Variants in DLG2 observed in about 807,000 individuals in gnomAD.
The protein encoded by DLG2 is disks large homolog 2.
In DLG2, 45 loss-of-function variants were observed where a neutral mutation model predicts 132.5. The ratio of observed to expected loss-of-function variants is 0.34; its 90% CI spans 0.27 to 0.44. DLG2 has a LOEUF of 0.44. Among genes scored for constraint, DLG2 ranks in the 20% least tolerant of loss-of-function variants. DLG2 has a pLI of 1.00. For missense variants in DLG2, 1,045 were observed against 1,196.9 expected (o/e 0.87, Z 1.87); for synonymous variants, 424 against 419.6 (o/e 1.01, Z -0.13).
intron 6 of DLG2, among the ~76,000 whole-genome samples, chr11:84,796,829 T>G (rs2074684198): frequency 6.6e-6 from 1 of 150,534 alleles, no homozygotes; most frequent in Admixed American, 6.6e-5. Flanking sequence ...ATTTTTTATT[T>G]TTTATTATAT....
intron 19 of DLG2, among the ~76,000 whole-genome samples, chr11:83,626,913 C>A (rs1458962531): frequency 6.6e-6 from 1 of 152,126 alleles, no homozygotes; most frequent in African/African-American, 2.4e-5. Flanking sequence ...CTTCAGGCTT[C>A]ATGGGGTCCA....
intron 6 of DLG2, among the ~76,000 whole-genome samples, chr11:84,925,000 G>T (rs1374398262): frequency 6.6e-6 from 1 of 152,044 alleles, no homozygotes. Context: ...CCTAATAAAT[G>T]AACCCAAATA....
chr11:83,713,714 T>A (rs2153667751), intron 18 of DLG2, among the ~76,000 whole-genome samples: 1 of 152,328 alleles, frequency 6.6e-6, no homozygotes, highest in South Asian at 2.1e-4. Context: ...GATGAATAAA[T>A]TCCAAAAAGT....
At chr11:85,052,130 A>T (rs548980108) in intron 6 of DLG2, among the ~76,000 whole-genome samples, 29 of 152,210 alleles carry the variant, frequency 1.9e-4, no homozygotes, top group Non-Finnish European at 2.2e-4. Flanking sequence ...AATATGCAAG[A>T]AAAGTGAAGA....
At position 84,554,673 on chromosome 11, in the gene DLG2, G is replaced by A. The variant is rs549984880; in HGVS notation, c.358-19942C>T. Among the ~76,000 whole-genome samples the A allele has an allele frequency of 3.3e-5, 5 of 152,204 alleles. No homozygotes were observed. The South Asian group carries it at 1.0e-3, about 32-fold the overall frequency. On this transcript the variant is annotated intron_variant, in intron 6 of 27. Coordinates refer to ENST00000376104, the MANE Select transcript of DLG2 (RefSeq NM_001142699.3). ...AGGCAGGAGAATCACTTGAACACAG[G>A]ATGGGGAGGTTGCGGTGAGCTGAGA...
chr11:84,024,030 A>G (rs1157366617), intron 11 of DLG2, among the ~76,000 whole-genome samples: 1 of 152,168 alleles, frequency 6.6e-6, no homozygotes, highest in East Asian at 1.9e-4. Flanking sequence ...CTTCCTGTCA[A>G]TGAATACTAG....
intron 11 of DLG2, among the ~76,000 whole-genome samples, chr11:83,984,873 C>G (rs2093128990): frequency 1.3e-5 from 2 of 152,038 alleles, no homozygotes. Context: ...TCGAAATACA[C>G]AATACATTAT....
chr11:83,514,975 G>A (rs2095235664), intron 21 of DLG2, among the ~76,000 whole-genome samples: 1 of 152,106 alleles, frequency 6.6e-6, no homozygotes, highest in Non-Finnish European at 1.5e-5. Context: ...CAGGGATATT[G>A]GTCTAAAATT....
intron 17 of DLG2, among the ~76,000 whole-genome samples, chr11:83,800,580 T>C (rs1295192436): frequency 6.6e-6 from 1 of 152,170 alleles, no homozygotes; most frequent in Non-Finnish European, 1.5e-5. Context: ...AAGTGAAAAA[T>C]TGATATTGAA....
At chr11:85,312,416 T>C (rs572420280) in intron 3 of DLG2, among the ~76,000 whole-genome samples, 103 of 150,916 alleles carry the variant, frequency 6.8e-4, no homozygotes, top group African/African-American at 2.4e-3. Flanking sequence ...TTTGTAATTA[T>C]GAGTTACATG....
intron 6 of DLG2, among the ~76,000 whole-genome samples, chr11:84,853,750 C>T (rs2082437933): frequency 6.6e-6 from 1 of 151,944 alleles, no homozygotes; most frequent in African/African-American, 2.4e-5. Context: ...AACCATTCCA[C>T]AATTAGCCCA....
intron 6 of DLG2, among the ~76,000 whole-genome samples, chr11:84,884,079 CATGACAT>C (rs2087816749): frequency 6.6e-6 from 1 of 152,088 alleles, no homozygotes; most frequent in Non-Finnish European, 1.5e-5. Flanking sequence ...GCTACTCACA[CATGACAT>C]ATAAATTAAA....
rs540379577 is a variant in DLG2 at position 85,528,271 on chromosome 11, C to T, written c.40+70386G>A. Reference sequence around the variant, plus strand: ...TGAAGTCTTTGCCCATGCCTATGTCCTGAATGGTATTGCCTAGGTTTTCTT... The same window carrying T: ...TGAAGTCTTTGCCCATGCCTATGTCTTGAATGGTATTGCCTAGGTTTTCTT... On this transcript the variant is annotated intron_variant, in intron 3 of 27. Transcript: ENST00000376104. 2.6e-5 allele frequency among the ~76,000 whole-genome samples: 4 copies of T among 152,210 alleles called. No individual in the cohort carries two copies. In the South Asian group the frequency reaches 8.3e-4, roughly 32 times the overall value.
intron 9 of DLG2, among the ~76,000 whole-genome samples, chr11:84,158,071 G>T (rs1287919094): frequency 4.8e-5 from 7 of 147,354 alleles, no homozygotes; most frequent in East Asian, 2.0e-4. Flanking sequence ...TGTTTTTTTG[G>T]TTTTTTTTTT....
chr11:83,522,214 G>C (rs1286118474), intron 21 of DLG2, among the ~76,000 whole-genome samples: 1 of 152,112 alleles, frequency 6.6e-6, no homozygotes, highest in African/African-American at 2.4e-5. Flanking sequence ...TTTCTTAATT[G>C]CTCTCACATG....
At chr11:84,601,366 T>C (rs2099576233) in intron 6 of DLG2, among the ~76,000 whole-genome samples, 2 of 152,158 alleles carry the variant, frequency 1.3e-5, no homozygotes, top group African/African-American at 2.4e-5. Flanking sequence ...GAAACTACAA[T>C]TGTGAGAAAA....
intron 6 of DLG2, among the ~76,000 whole-genome samples, chr11:84,720,672 T>C (rs2061720153): frequency 6.6e-6 from 1 of 150,976 alleles, no homozygotes; most frequent in Non-Finnish European, 1.5e-5. Flanking sequence ...AAAATAAAAA[T>C]AAAATAAAAT....
chr11:84,010,133 C>T (rs2094800718), intron 11 of DLG2, among the ~76,000 whole-genome samples: 1 of 151,832 alleles, frequency 6.6e-6, no homozygotes, highest in South Asian at 2.1e-4. Flanking sequence ...TATGAAAATA[C>T]TAATATTTCT....
intron 6 of DLG2, among the ~76,000 whole-genome samples, chr11:85,096,651 AC>A (rs1288015254): frequency 4.6e-5 from 7 of 152,276 alleles, no homozygotes; most frequent in African/African-American, 1.4e-4. Context: ...CATTTTGGCA[AC>A]CCAGATGGGA....
Sources: allele counts gnomAD v4.1 joint callset (sites outside exome capture counted in the v4.1 genomes callset), GRCh38; gene constraint gnomAD v4.1.1; transcripts MANE v1.5; gene names NCBI Gene and HGNC (gene_info 2026-07-23, HGNC 2026-07-21).